Variants in CTTNBP2 observed in about 807,000 individuals in gnomAD.
CTTNBP2 encodes cortactin binding protein 2.
A neutral mutation model predicts 156.9 loss-of-function variants in CTTNBP2; 108 were observed. That is an observed-to-expected ratio of 0.69 (90% CI 0.59 to 0.81). The LOEUF (loss-of-function observed/expected upper bound fraction) is 0.81. Ranked by LOEUF, CTTNBP2 falls within the 30% of genes least tolerant of loss-of-function variation. The probability of loss-of-function intolerance (pLI) is 0.00; values close to 1 mark genes in which losing one functional copy is unlikely to be tolerated. For synonymous variants in CTTNBP2, 767 were observed against 751.8 expected (o/e 1.02, Z -0.33); for missense variants, 1,924 against 2,035.4 (o/e 0.95, Z 1.05).
intron 14 of CTTNBP2, among the ~76,000 whole-genome samples, chr7:117,743,187 A>G (rs565614318): frequency 6.6e-6 from 1 of 152,242 alleles, no homozygotes; most frequent in South Asian, 2.1e-4. Flanking sequence ...TGTTCATTGC[A>G]CTCCAGTTTT....
intron 17 of CTTNBP2, among the ~76,000 whole-genome samples, chr7:117,727,499 A>G (rs990649018): frequency 7.2e-5 from 11 of 152,152 alleles, no homozygotes; most frequent in African/African-American, 2.7e-4. Flanking sequence ...AGCTAAGAAG[A>G]TATTATTTCT....
chr7:117,801,126 T>C (rs958792813), intron 3 of CTTNBP2, among the ~76,000 whole-genome samples: 2 of 152,128 alleles, frequency 1.3e-5, no homozygotes, highest in African/African-American at 4.8e-5. Flanking sequence ...AAGAAAAGCT[T>C]TTCCTTACAG....
intron 1 of CTTNBP2, among the ~76,000 whole-genome samples, chr7:117,862,435 A>G (rs1391017698): frequency 1.3e-5 from 2 of 152,156 alleles, no homozygotes; most frequent in Non-Finnish European, 2.9e-5. Flanking sequence ...TTTAAATCCC[A>G]TGAATATACC....
chr7:117,780,681 C>A (rs1798379716), intron 6 of CTTNBP2, 90 bp from the exon 7 acceptor site: 6 of 695,020 alleles, frequency 8.6e-6, no homozygotes, highest in Non-Finnish European at 1.3e-5. Context: ...GAAAAGAAAG[C>A]AATGTTGCAT....
chr7:117,785,764 C>A (rs538267814), intron 4 of CTTNBP2, among the ~76,000 whole-genome samples: 1 of 152,240 alleles, frequency 6.6e-6, no homozygotes, highest in South Asian at 2.1e-4. Context: ...AAATTAAAAC[C>A]ATATTGAACC....
intron 2 of CTTNBP2, among the ~76,000 whole-genome samples, chr7:117,820,548 G>T (rs1247213409): frequency 6.6e-6 from 1 of 152,150 alleles, no homozygotes. Flanking sequence ...GGCAATATTT[G>T]TGTATGGTGT....
At chr7:117,775,428 G>A (rs1798041086) in intron 8 of CTTNBP2, among the ~76,000 whole-genome samples, 1 of 151,774 alleles carries the variant, frequency 6.6e-6, no homozygotes, top group South Asian at 2.1e-4. Flanking sequence ...AAAAACACCA[G>A]AACTAATAAA....
chr7:117,873,308 C>T, intron 1 of CTTNBP2, 27 bp downstream of exon 1: 1 of 1,419,490 alleles, frequency 7.0e-7, no homozygotes, highest in Non-Finnish European at 9.2e-7. Context: ...TACACTAGCC[C>T]CGCGCCCGCC....
At chr7:117,759,025 GT>G (rs1797043913) in intron 10 of CTTNBP2, among the ~76,000 whole-genome samples, 1 of 152,144 alleles carries the variant, frequency 6.6e-6, no homozygotes, top group Non-Finnish European at 1.5e-5. Context: ...CAGAACCACA[GT>G]TTGAGTAATA....
chr7:117,853,061 G>A (rs181182629), intron 2 of CTTNBP2, among the ~76,000 whole-genome samples: 13 of 152,156 alleles, frequency 8.5e-5, no homozygotes, highest in East Asian at 5.8e-4. Context: ...GACATATAAC[G>A]AAAACCTAAC....
At chr7:117,755,358 T>A (rs1011295358) in intron 12 of CTTNBP2, 1 of 306,452 alleles carries the variant, frequency 3.3e-6, no homozygotes, top group Admixed American at 4.9e-5. Context: ...TCACAGTCTA[T>A]GGAAACAACT....
intron 4 of CTTNBP2, among the ~76,000 whole-genome samples, chr7:117,784,792 A>T (rs1798624320): frequency 6.6e-6 from 1 of 152,242 alleles, no homozygotes; most frequent in African/African-American, 2.4e-5. Context: ...CAGGATTTTA[A>T]AACAATTTGA....
chr7:117,759,979 G>C (rs1797103542), intron 10 of CTTNBP2, among the ~76,000 whole-genome samples: 1 of 152,188 alleles, frequency 6.6e-6, no homozygotes, highest in South Asian at 2.1e-4. Flanking sequence ...TCCCATGTGG[G>C]AGCATTGAAT....
chr7:117,843,794 A>G (rs1802411417), intron 2 of CTTNBP2, among the ~76,000 whole-genome samples: 1 of 152,198 alleles, frequency 6.6e-6, no homozygotes, highest in African/African-American at 2.4e-5. Flanking sequence ...TTAGGAAGGT[A>G]TCAAAATAAT....
intron 8 of CTTNBP2, among the ~76,000 whole-genome samples, chr7:117,772,610 G>A (rs1411266938): frequency 6.6e-6 from 1 of 152,184 alleles, no homozygotes; most frequent in Admixed American, 6.5e-5. Context: ...TGGGATGACA[G>A]GCATAAACAG....
chr7:117,829,016 G>A (rs1385267867), intron 2 of CTTNBP2, among the ~76,000 whole-genome samples: 2 of 152,176 alleles, frequency 1.3e-5, no homozygotes, highest in East Asian at 3.8e-4. Context: ...TTTCTGAAAA[G>A]ACTAAAACTG....
At chr7:117,718,445 T>A (rs1470879063) in intron 21 of CTTNBP2, among the ~76,000 whole-genome samples, 1 of 152,234 alleles carries the variant, frequency 6.6e-6, no homozygotes, top group Non-Finnish European at 1.5e-5. Context: ...ACCTTACTTT[T>A]CCAGTGGATA....
intron 22 of CTTNBP2, chr7:117,712,539 A>G (rs1014876403): frequency 6.6e-6 from 1 of 152,182 alleles, no homozygotes; most frequent in African/African-American, 2.4e-5. Flanking sequence ...GACTCCTACT[A>G]AGTGACCTAC....
Position 117,780,431 on chromosome 7 carries a change from T to G in CTTNBP2, c.2523+10A>C. ...TATATACAGGGGGAAAAAAACAGAC[T>G]GCTACTCACTGTGGTTTTTACACTT... On this transcript the variant is annotated intron_variant, in intron 7 of 22. Transcript: ENST00000160373. 6.5e-7 allele frequency: 1 copy of G among 1,531,240 alleles called. No homozygotes were observed. Among genetic ancestry groups the G allele is most frequent in the Non-Finnish European group, 8.7e-7 (1 of 1,143,148 alleles). The allele number at this position is 1,531,240 out of a possible 1,614,324, so 94.9% of individuals were successfully genotyped here.
Sources: gnomAD v4.1 joint callset for allele counts (sites outside exome capture counted in the v4.1 genomes callset) on GRCh38, gnomAD v4.1.1 for gene constraint, MANE v1.5 for transcripts, NCBI Gene and HGNC (gene_info 2026-07-23, HGNC 2026-07-21) for gene names.